SLC12A6: variants seen among roughly 807,000 people sequenced by gnomAD.
SLC12A6 encodes solute carrier family 12 member 6.
A neutral mutation model predicts 135.3 loss-of-function variants in SLC12A6; 66 were observed. That is an observed-to-expected ratio of 0.49 (90% CI 0.40 to 0.60). SLC12A6 has a LOEUF of 0.60. Ranked by LOEUF, SLC12A6 falls within the 20% of genes least tolerant of loss-of-function variation. SLC12A6 has a pLI of 0.00. For synonymous variants in SLC12A6, 513 were observed against 508.8 expected (o/e 1.01, Z -0.11); for missense variants, 1,058 against 1,452.3 (o/e 0.73, Z 4.41).
chr15:34,312,366 G>A (rs951353106), intron 2 of SLC12A6, among the ~76,000 whole-genome samples: 18 of 152,168 alleles, frequency 1.2e-4, no homozygotes, highest in African/African-American at 3.4e-4. Flanking sequence ...AAGGCAGGGA[G>A]CATGTCTTAC....
chr15:34,262,344 G>A (rs1893199257), intron 3 of SLC12A6, among the ~76,000 whole-genome samples: 2 of 152,046 alleles, frequency 1.3e-5, no homozygotes, highest in Admixed American at 6.5e-5. Flanking sequence ...CCCAATGAGA[G>A]AGACCACCCT....
intron 2 of SLC12A6, among the ~76,000 whole-genome samples, chr15:34,310,475 A>AGTGTGT (rs58752500): frequency 4.8e-5 from 2 of 41,620 alleles, no homozygotes; most frequent in Admixed American, 2.9e-4. Context: ...CCTGGGCTCA[A>AGTGTGT]GTGTGTGTGT....
intron 9 of SLC12A6, 38 bp downstream of exon 9, chr15:34,254,309 AC>A: frequency 6.3e-7 from 1 of 1,583,156 alleles, no homozygotes; most frequent in Non-Finnish European, 8.7e-7. Context: ...TTCAATTACT[AC>A]CCAATAAGGA....
intron 25 of SLC12A6, 93 bp downstream of exon 25, chr15:34,235,088 G>T: frequency 8.8e-7 from 1 of 1,140,046 alleles, no homozygotes; most frequent in Non-Finnish European, 1.3e-6. Context: ...GGGAAAGTGG[G>T]GCATAGACAA....
At chr15:34,268,285 G>A (rs111240611) in intron 3 of SLC12A6, among the ~76,000 whole-genome samples, 7 of 152,224 alleles carry the variant, frequency 4.6e-5, no homozygotes, top group African/African-American at 1.7e-4. Flanking sequence ...CCTTCCATTT[G>A]CTTGCTTACT....
rs781177397 is a variant in SLC12A6 at position 34,256,217 on chromosome 15, T to C, written c.745+12A>G. On this transcript the variant is annotated intron_variant, in intron 7 of 25. Coordinates refer to ENST00000354181, the MANE Select transcript of SLC12A6 (RefSeq NM_001365088.1). The stretch of plus-strand genomic sequence containing the variant: ...ACTGATAAATCCTGAAATACAACCT[T>C]GACCTACTAACCTGGCACCACTCCA... 1.9e-6 allele frequency: 3 copies of C among 1,556,508 alleles called. No homozygotes were observed. The East Asian group carries it at 6.7e-5, about 35-fold the overall frequency.
intron 2 of SLC12A6, among the ~76,000 whole-genome samples, chr15:34,286,621 C>T (rs1406851719): frequency 1.3e-5 from 2 of 151,660 alleles, no homozygotes; most frequent in African/African-American, 2.4e-5. Context: ...ATGGTGAAAC[C>T]CAGTCTCTAC....
At chr15:34,276,804 T>C (rs1405642145) in intron 2 of SLC12A6, among the ~76,000 whole-genome samples, 1 of 152,202 alleles carries the variant, frequency 6.6e-6, no homozygotes, top group Non-Finnish European at 1.5e-5. Context: ...ACAAAATCCA[T>C]AGTCCACATA....
At chr15:34,258,749 G>A in intron 5 of SLC12A6, 64 bp downstream of exon 5, 1 of 1,330,644 alleles carries the variant, frequency 7.5e-7, no homozygotes, top group South Asian at 1.2e-5. Flanking sequence ...GGTGCCTTAG[G>A]TATTTCCTTC....
chr15:34,287,284 AT>A (rs1274854548), intron 2 of SLC12A6, among the ~76,000 whole-genome samples: 3 of 152,266 alleles, frequency 2.0e-5, no homozygotes, highest in Middle Eastern at 6.8e-3. Flanking sequence ...TTCCAGCTTC[AT>A]CCATGTCCCT....
chr15:34,257,462 G>T (rs1183214698), intron 6 of SLC12A6, 180 bp downstream of exon 6: 5 of 616,302 alleles, frequency 8.1e-6, no homozygotes, highest in African/African-American at 1.8e-5. Flanking sequence ...AGCAAGCAGT[G>T]ACTAACAGGC....
intron 23 of SLC12A6, 147 bp downstream of exon 23, chr15:34,236,561 C>T (rs1891281401): frequency 5.9e-6 from 4 of 679,276 alleles, no homozygotes. Context: ...CCAGGCTGGT[C>T]TTGAACTCCT....
At chr15:34,250,548 T>A in intron 12 of SLC12A6, 83 bp downstream of exon 12, 2 of 874,248 alleles carry the variant, frequency 2.3e-6, no homozygotes. Flanking sequence ...GGTATCTTTG[T>A]TACCAGGATA....
intron 3 of SLC12A6, among the ~76,000 whole-genome samples, chr15:34,271,532 C>T (rs1184483249): frequency 6.6e-6 from 1 of 151,748 alleles, no homozygotes; most frequent in African/African-American, 2.4e-5. Flanking sequence ...CCTGATAAAA[C>T]TTTTAATAAT....
chr15:34,307,041 A>G (rs908450831), intron 2 of SLC12A6, among the ~76,000 whole-genome samples: 1 of 152,222 alleles, frequency 6.6e-6, no homozygotes, highest in African/African-American at 2.4e-5. Context: ...TAAAGGGCAC[A>G]AAGAAACTTC....
rs754182071 is a variant in SLC12A6 at position 34,245,677 on chromosome 15, A to G, written c.1824+16T>C. The G allele has an allele frequency of 1.2e-6, 2 of 1,603,972 alleles. No individual in the cohort carries two copies. The highest frequency in any genetic ancestry group is 3.3e-5 in the Admixed American group (2 of 60,006). ...GCTGGGAAAAAAAGAAGAGGGCATA[A>G]TAAAAGGTCACTCACCCTCAGAAAC... On this transcript the variant is annotated intron_variant, in intron 14 of 25. Transcript: ENST00000354181.
At position 34,237,076 on chromosome 15, in the gene SLC12A6, T is replaced by C. The variant is rs16958875; in HGVS notation, c.2935-261A>G. The stretch of plus-strand genomic sequence containing the variant: ...AACACAAAATACAAACTCCAGTCTC[T>C]CTTTTTTATACTGTTAGGTTTTTTT... On this transcript the variant is annotated intron_variant, in intron 22 of 25. Coordinates refer to ENST00000354181, the MANE Select transcript of SLC12A6 (RefSeq NM_001365088.1). 0.13 allele frequency: 64,829 copies of C among 498,668 alleles called. 5,092 individuals are homozygous for C. Among genetic ancestry groups the C allele is most frequent in the African/African-American group, 0.26 (13,293 of 51,716 alleles). 30.9% of individuals were successfully genotyped at this position (498,668 alleles called of 1,614,324 possible).
intron 2 of SLC12A6, among the ~76,000 whole-genome samples, chr15:34,320,252 C>T (rs1237997922): frequency 6.6e-6 from 1 of 152,152 alleles, no homozygotes; most frequent in African/African-American, 2.4e-5. Flanking sequence ...CTTAAGTGCC[C>T]ATTAACACAT....
At chr15:34,318,772 T>C (rs1350775799) in intron 2 of SLC12A6, 2 of 1,589,184 alleles carry the variant, frequency 1.3e-6, no homozygotes, top group Non-Finnish European at 1.7e-6. Context: ...CGTTTCAGAC[T>C]GTGATCCCTG....
Sources: gnomAD v4.1 joint callset for allele counts (sites outside exome capture counted in the v4.1 genomes callset) on GRCh38, gnomAD v4.1.1 for gene constraint, MANE v1.5 for transcripts, NCBI Gene and HGNC (gene_info 2026-07-23, HGNC 2026-07-21) for gene names.